Variants in NOC3L observed in about 807,000 individuals in gnomAD.
NOC3L encodes the protein NOC3 like DNA replication regulator.
Under a neutral mutation model 102.5 loss-of-function variants are expected in NOC3L, and 85 were observed. The observed-to-expected ratio is 0.83, with a 90% CI of 0.70 to 0.99. The LOEUF is 0.99. Among genes scored for constraint, NOC3L ranks in the 50% least tolerant of loss-of-function variants. The pLI, the probability that NOC3L is intolerant of heterozygous loss-of-function variation, is 0.00. For missense variants in NOC3L, 878 were observed against 914.9 expected, an observed-to-expected ratio of 0.96 and a Z score of 0.52; for synonymous variants, 303 against 309.4, an observed-to-expected ratio of 0.98 and a Z score of 0.22.
chr10:94,318,366 T>G, the NOC3L span, among the ~76,000 whole-genome samples: 1 of 152,240 alleles, frequency 6.6e-6, no homozygotes, highest in East Asian at 1.9e-4. Context: ...GTAAAAAGTA[T>G]GTATCCTCTA....
At chr10:94,325,137 G>C in the NOC3L span, 1 of 1,457,224 alleles carries the variant, frequency 6.9e-7, no homozygotes, top group Non-Finnish European at 9.6e-7. Flanking sequence ...CCTGGAACAG[G>C]GCTTAACTTA....
At chr10:94,352,160 G>A in intron 8 of NOC3L, 150 bp downstream of exon 8, 4 of 509,630 alleles carry the variant, frequency 7.8e-6, no homozygotes, top group Non-Finnish European at 6.9e-6. Context: ...AGTAAGTGGT[G>A]GAGCCAGGAT....
chr10:94,325,712 G>A, the NOC3L span: 1 of 151,754 alleles, frequency 6.6e-6, no homozygotes, highest in Non-Finnish European at 1.5e-5. Context: ...CAATCAACTT[G>A]CCCAAAGTAC....
chr10:94,341,497 G>T (rs532541052), intron 14 of NOC3L, among the ~76,000 whole-genome samples, 176 bp downstream of exon 14: 1 of 150,472 alleles, frequency 6.6e-6, no homozygotes, highest in South Asian at 2.1e-4. Flanking sequence ...GGTTGAAAAC[G>T]TTCTACATCT....
chr10:94,324,561 G>C, the NOC3L span: 1 of 1,612,234 alleles, frequency 6.2e-7, no homozygotes, highest in Non-Finnish European at 8.5e-7. Context: ...TAAAGGAGCA[G>C]GTGCAGGTAA....
In NOC3L at chr10:94,338,220, G is replaced by A. The variant is rs117453870; in HGVS notation, c.2092-346C>T. ...GTCTCACTCTAATGCTGTCCATACT[G>A]TAGGATCACTGCATAGGTGAAACCA... On this transcript the variant is annotated intron_variant, in intron 18 of 20. Coordinates refer to ENST00000371361, the MANE Select transcript of NOC3L (RefSeq NM_022451.11). Among the ~76,000 whole-genome samples the A allele has an allele frequency of 5.9e-4, 90 of 152,270 alleles. 2 individuals carry two copies. The East Asian group carries it at 0.016, about 26-fold the overall frequency.
chr10:94,334,753 C>G (rs1396905107), intron 19 of NOC3L, 35 bp from the exon 20 acceptor site: 1 of 1,382,604 alleles, frequency 7.2e-7, no homozygotes, highest in Admixed American at 1.7e-5. Context: ...AAAGATACCA[C>G]CACATCTGTG....
At chr10:94,318,238 T>C in the NOC3L span, among the ~76,000 whole-genome samples, 1 of 152,210 alleles carries the variant, frequency 6.6e-6, no homozygotes, top group Non-Finnish European at 1.5e-5. Context: ...CAGGCAACCC[T>C]AATAATAATC....
chr10:94,332,334 T>C (rs2054169562), downstream of NOC3L: 2 of 152,234 alleles, frequency 1.3e-5, no homozygotes, highest in Admixed American at 1.3e-4. Flanking sequence ...AAAAGCGTTA[T>C]GTGGATGATT....
intron 20 of NOC3L, 71 bp from the exon 21 acceptor site, chr10:94,334,376 T>C (rs2054193166): frequency 6.1e-6 from 6 of 978,642 alleles, no homozygotes; most frequent in South Asian, 5.9e-5. Context: ...GTGAACCAAG[T>C]TGAAAATGGC....
the NOC3L span, chr10:94,315,393 G>C: frequency 6.5e-3 from 2,983 of 455,962 alleles, 32 homozygotes; most frequent in South Asian, 0.021. Context: ...ACTTCTCACG[G>C]GAAGGCAACA....
rs1169006653 is a variant in NOC3L at position 94,352,961 on chromosome 10, A to G, written c.793T>C (p.Leu265=). The change falls in exon 7 of 21, where the codon TTA becomes CTA. Residue 265 remains leucine, a synonymous_variant. Transcript: ENST00000371361. Reference sequence around the variant, plus strand: ...TATGAAGGAGTAATATCTTTAAATAACTCCATCAGAGAAACAATTACCAGC... The same window carrying G: ...TATGAAGGAGTAATATCTTTAAATAGCTCCATCAGAGAAACAATTACCAGC... ...RKLVIVSLME[L]FKDITPSYKI... is the part of the protein sequence containing the mutation. 1 of 1,613,700 alleles carries G rather than the reference A, an allele frequency of 6.2e-7. No homozygotes were observed. The highest frequency in any genetic ancestry group is 2.2e-5 in the East Asian group (1 of 44,880).
rs2054197108 is a variant in NOC3L, at chr10:94,334,672, A to C, written c.2236T>G (p.Phe746Val). Residue 746 changes from phenylalanine (F) to valine (V), a missense_variant, in exon 20 of 21, where the codon TTC becomes GTC. By Grantham distance (50) the Phe-to-Val change is conservative. Coordinates refer to ENST00000371361, the MANE Select transcript of NOC3L (RefSeq NM_022451.11). ...FEAYSMAEMTFNPPVESSNPK... is the reference protein window; with the variant it reads ...FEAYSMAEMTVNPPVESSNPK... ...TTTGAAGATTCAACAGGAGGATTGA[A>C]TGTCATTTCTGCCATGCTATATGCC... 1.2e-6 allele frequency: 2 copies of C among 1,613,358 alleles called. No individual in the cohort carries two copies. Among genetic ancestry groups the C allele is most frequent in the Non-Finnish European group, 1.7e-6 (2 of 1,179,782 alleles).
At chr10:94,346,338 CTA>C in intron 11 of NOC3L, 85 bp downstream of exon 11, 1 of 1,009,272 alleles carries the variant, frequency 9.9e-7, no homozygotes, top group South Asian at 1.9e-5. Context: ...TATGATTTAA[CTA>C]TGATTTTTAC....
the NOC3L span, among the ~76,000 whole-genome samples, chr10:94,315,911 C>T: frequency 1.4e-5 from 2 of 147,594 alleles, no homozygotes; most frequent in Non-Finnish European, 3.0e-5. Context: ...GGAAAACAGT[C>T]TCCAAGGGAT....
intron 13 of NOC3L, among the ~76,000 whole-genome samples, chr10:94,342,699 A>C (rs1047390545): frequency 6.6e-6 from 1 of 151,062 alleles, no homozygotes; most frequent in Non-Finnish European, 1.5e-5. Flanking sequence ...GTGATAAGGG[A>C]GAGGTACCAA....
chr10:94,322,383 G>A, the NOC3L span, among the ~76,000 whole-genome samples: 2 of 152,122 alleles, frequency 1.3e-5, no homozygotes, highest in Admixed American at 1.3e-4. Flanking sequence ...CAACCCAGTG[G>A]CTCACACCTG....
chr10:94,319,873 T>TTTTTTTTTTTTTTTTTTC, the NOC3L span, among the ~76,000 whole-genome samples: 1 of 134,262 alleles, frequency 7.4e-6, no homozygotes, highest in African/African-American at 3.2e-5. Context: ...TCTTTTTTTT[T>TTTTTTTTTTTTTTTTTTC]TTTTTTTTTT....
intron 3 of NOC3L, 64 bp from the exon 4 acceptor site, chr10:94,357,395 T>A (rs2054501659): frequency 7.3e-7 from 1 of 1,374,926 alleles, no homozygotes; most frequent in African/African-American, 1.5e-5. Flanking sequence ...TAGAGACCTA[T>A]CATTTCAAAA....
Sources: allele counts gnomAD v4.1 joint callset (sites outside exome capture counted in the v4.1 genomes callset), GRCh38; gene constraint gnomAD v4.1.1; transcripts MANE v1.5; gene names NCBI Gene and HGNC (gene_info 2026-07-23, HGNC 2026-07-21).